The following NPHP4 variants were observed in gnomAD, a reference collection of about 807,000 sequenced individuals.
The protein encoded by NPHP4 is nephrocystin 4.
NPHP4 carries 151 observed loss-of-function variants against 155.8 expected under a neutral mutation model. The observed-to-expected ratio is 0.97, with a 90% CI of 0.85 to 1.11. The LOEUF (loss-of-function observed/expected upper bound fraction) is 1.11, where lower values mean the gene tolerates loss of function less well. Among genes scored for constraint, NPHP4 ranks in the 50% least tolerant of loss-of-function variants. The probability of loss-of-function intolerance (pLI) is 0.00; values close to 1 mark genes in which losing one functional copy is unlikely to be tolerated. For synonymous variants in NPHP4, 845 were observed against 816.8 expected (o/e 1.03, Z -0.59); for missense variants, 1,956 against 1,925.7 (o/e 1.02, Z -0.29).
intron 11 of NPHP4, among the ~76,000 whole-genome samples, chr1:5,916,545 G>A (rs528844853): frequency 3.9e-5 from 6 of 152,180 alleles, no homozygotes; most frequent in Non-Finnish European, 8.8e-5. Context: ...TAGATTTGCT[G>A]GTCCCCAAAC....
At chr1:5,879,508 G>T (rs908850021) in intron 19 of NPHP4, 2 of 518,718 alleles carry the variant, frequency 3.9e-6, no homozygotes, top group African/African-American at 3.9e-5. Flanking sequence ...TTGAAAATCA[G>T]TCTATGTTCC....
intron 16 of NPHP4, among the ~76,000 whole-genome samples, chr1:5,897,434 C>T (rs1164474434): frequency 6.6e-6 from 1 of 152,216 alleles, no homozygotes; most frequent in Non-Finnish European, 1.5e-5. Context: ...ACATTCGCGC[C>T]TCCTGAGGTG....
intron 9 of NPHP4, 130 bp downstream of exon 9, chr1:5,946,974 G>T: frequency 1.0e-6 from 1 of 990,336 alleles, no homozygotes; most frequent in Non-Finnish European, 1.5e-6. Context: ...TGTCAGTAAA[G>T]TGATTTTTAC....
chr1:5,902,611 T>A (rs1644734356), intron 16 of NPHP4, among the ~76,000 whole-genome samples: 1 of 152,218 alleles, frequency 6.6e-6, no homozygotes, highest in Admixed American at 6.5e-5. Flanking sequence ...TTTTTCCTTC[T>A]ACTTTTACTG....
At chr1:5,935,928 A>G (rs1185773053) in intron 9 of NPHP4, among the ~76,000 whole-genome samples, 2 of 152,210 alleles carry the variant, frequency 1.3e-5, no homozygotes, top group African/African-American at 4.8e-5. Context: ...TGTCACTATA[A>G]GGATTCAACA....
chr1:5,863,705 G>T, intron 29 of NPHP4, 185 bp downstream of exon 29: 1 of 662,920 alleles, frequency 1.5e-6, no homozygotes, highest in Non-Finnish European at 2.6e-6. Context: ...GAGAAACTTT[G>T]CTAAATCTCC....
intron 11 of NPHP4, among the ~76,000 whole-genome samples, chr1:5,920,281 G>C (rs768786390): frequency 6.6e-6 from 1 of 151,854 alleles, no homozygotes; most frequent in East Asian, 1.9e-4. Flanking sequence ...GGCTGATCTC[G>C]AACTCTTGGC....
chr1:5,966,618 C>T (rs1266427240), intron 5 of NPHP4, among the ~76,000 whole-genome samples: 2 of 152,126 alleles, frequency 1.3e-5, no homozygotes, highest in African/African-American at 4.8e-5. Context: ...AGCATCTCAC[C>T]TCGAAGAGAC....
intron 2 of NPHP4, among the ~76,000 whole-genome samples, chr1:5,982,535 G>A (rs949221677): frequency 9.2e-5 from 14 of 152,150 alleles, no homozygotes; most frequent in African/African-American, 3.4e-4. Context: ...ATGCATAACT[G>A]TATTTACCAT....
rs749569002 is a variant in NPHP4, at chr1:5,867,924, G to A, written c.3316-28C>T. The stretch of plus-strand genomic sequence containing the variant: ...GTGAGGAGGCCACGCTGAGTGTTGG[G>A]ATGGGCACGAGGCTTGTGAGCAGCT... On this transcript the variant is annotated intron_variant, in intron 23 of 29. Transcript: ENST00000378156. The surrounding 1 kb of genome is among the most constrained non-coding windows in gnomAD (Gnocchi z 4.1). The A allele has an allele frequency of 6.2e-7, 1 of 1,613,592 alleles. No individual in the cohort carries two copies. Among genetic ancestry groups the A allele is most frequent in the Non-Finnish European group, 8.5e-7 (1 of 1,179,556 alleles).
rs1643372969 is a variant in NPHP4, at chr1:5,882,346, CAG to C, written c.2486-2109_2486-2108del. 7 of 149,584 alleles carry C rather than the reference CAG, an allele frequency of 4.7e-5. No homozygotes were observed. The highest frequency in any genetic ancestry group is 7.5e-5 in the Non-Finnish European group (5 of 66,776). 9.3% of individuals were successfully genotyped at this position (149,584 alleles called of 1,614,324 possible). On this transcript the variant is annotated intron_variant, in intron 18 of 29. Coordinates refer to ENST00000378156, the MANE Select transcript of NPHP4 (RefSeq NM_015102.5). The surrounding 1 kb of genome is among the most constrained non-coding windows in gnomAD (Gnocchi z 5.1). ...GTGGCGCGCTTACCCAGCCATCTCT[CAG>C]TGACGCGCTTACCCAGCCATCTCTC...
At chr1:5,980,464 A>G (rs982605137) in intron 2 of NPHP4, among the ~76,000 whole-genome samples, 2 of 152,198 alleles carry the variant, frequency 1.3e-5, no homozygotes, top group African/African-American at 4.8e-5. Flanking sequence ...CTGGGTTCTC[A>G]CTCCAATCAT....
At chr1:5,977,747 GT>G (rs1653899586) in intron 3 of NPHP4, among the ~76,000 whole-genome samples, 1 of 149,102 alleles carries the variant, frequency 6.7e-6, no homozygotes, top group Admixed American at 6.7e-5. Flanking sequence ...CCACCTGCCG[GT>G]CTCAAGACAG....
At position 5,890,045 on chromosome 1, in the gene NPHP4, A is replaced by C. The variant is rs1644038149; in HGVS notation, c.2304+823T>G. Among the ~76,000 whole-genome samples, 1 of 151,946 alleles carries C rather than the reference A, an allele frequency of 6.6e-6. No individual in the cohort carries two copies. Among genetic ancestry groups the C allele is most frequent in the Non-Finnish European group, 1.5e-5 (1 of 67,980 alleles). ...CCACCCCGAGAGCACAGCGCAGCTGAAGGAGCAGAGGAGCCGTGCTTCTCA... is the reference window on the plus strand; with the variant it reads ...CCACCCCGAGAGCACAGCGCAGCTGCAGGAGCAGAGGAGCCGTGCTTCTCA... On this transcript the variant is annotated intron_variant, in intron 17 of 29. Coordinates refer to ENST00000378156, the MANE Select transcript of NPHP4 (RefSeq NM_015102.5). The surrounding 1 kb of genome is among the most constrained non-coding windows in gnomAD (Gnocchi z 4.9).
intron 23 of NPHP4, among the ~76,000 whole-genome samples, chr1:5,872,910 ACT>A (rs1015322313): frequency 6.6e-6 from 1 of 152,054 alleles, no homozygotes; most frequent in African/African-American, 2.4e-5. Flanking sequence ...CACACCACAC[ACT>A]CACACACCAG....
intron 11 of NPHP4, among the ~76,000 whole-genome samples, chr1:5,917,414 G>T (rs1016296162): frequency 1.3e-5 from 2 of 152,078 alleles, no homozygotes; most frequent in Non-Finnish European, 2.9e-5. Flanking sequence ...AAGGGGAGGG[G>T]AGGGGGTAGG....
chr1:5,962,179 T>G (rs1490670761), intron 5 of NPHP4, among the ~76,000 whole-genome samples: 2 of 152,102 alleles, frequency 1.3e-5, no homozygotes, highest in Non-Finnish European at 2.9e-5. Context: ...TTTTTGTTTG[T>G]TTGTTTGTTT....
rs114286519 is a variant in NPHP4 at position 5,919,088 on chromosome 1, G to A, written c.1441+8561C>T. Among the ~76,000 whole-genome samples, 918 of 152,274 alleles carry A rather than the reference G, an allele frequency of 6.0e-3. 15 individuals are homozygous for A. The highest frequency in any genetic ancestry group is 0.03 in the South Asian group (146 of 4,824). On this transcript the variant is annotated intron_variant, in intron 11 of 29. Coordinates refer to ENST00000378156, the MANE Select transcript of NPHP4 (RefSeq NM_015102.5). ...AACACAGCCACGTCCATTCATTAAC[G>A]TATCGCCTATATATACCAGCGGAGA...
chr1:5,935,752 G>A (rs144741296), intron 9 of NPHP4, among the ~76,000 whole-genome samples: 30 of 152,276 alleles, frequency 2.0e-4, no homozygotes, highest in Admixed American at 1.6e-3. Context: ...GTAGGCACCT[G>A]TAATCCCAGC....
Sources: gnomAD v4.1 joint callset for allele counts (sites outside exome capture counted in the v4.1 genomes callset) on GRCh38, gnomAD v4.1.1 for gene constraint, Gnocchi (gnomAD v3.1) non-coding constraint, MANE v1.5 for transcripts, NCBI Gene and HGNC (gene_info 2026-07-23, HGNC 2026-07-21) for gene names.